Variants in TRERF1 observed in about 807,000 individuals in gnomAD.
The protein encoded by TRERF1 is transcriptional-regulating factor 1.
TRERF1 carries 27 observed loss-of-function variants against 122.9 expected under a neutral mutation model. The observed-to-expected ratio is 0.22, with a 90% CI of 0.16 to 0.30. The LOEUF is 0.30. Ranked by LOEUF, TRERF1 falls within the 10% of genes least tolerant of loss-of-function variation. The probability of loss-of-function intolerance (pLI) is 1.00; values close to 1 mark genes in which losing one functional copy is unlikely to be tolerated. For synonymous variants in TRERF1, 636 were observed against 641.7 expected, an observed-to-expected ratio of 0.99 and a Z score of 0.13; for missense variants, 1,248 against 1,560.3, an observed-to-expected ratio of 0.80 and a Z score of 3.37.
At chr6:42,229,179 C>A (rs908384930) in intron 17 of TRERF1, among the ~76,000 whole-genome samples, 6 of 152,084 alleles carry the variant, frequency 3.9e-5, no homozygotes, top group Non-Finnish European at 7.4e-5. Context: ...TCTCTATTGC[C>A]CAGGCTGGAG....
chr6:42,296,657 C>T (rs1249886527), intron 4 of TRERF1, among the ~76,000 whole-genome samples: 3 of 152,048 alleles, frequency 2.0e-5, no homozygotes, highest in South Asian at 2.1e-4. Context: ...CTGTAGACTC[C>T]CCTCCAATGA....
chr6:42,301,318 C>T (rs768950574), intron 3 of TRERF1, among the ~76,000 whole-genome samples: 1 of 152,156 alleles, frequency 6.6e-6, no homozygotes, highest in Non-Finnish European at 1.5e-5. Flanking sequence ...CAACTTCTGC[C>T]TCCCAGGTTC....
chr6:42,406,744 T>C (rs1780235400), intron 2 of TRERF1, among the ~76,000 whole-genome samples: 1 of 152,020 alleles, frequency 6.6e-6, no homozygotes, highest in Non-Finnish European at 1.5e-5. Context: ...TGCTGCCTTC[T>C]CATGACACTT....
At chr6:42,253,566 T>G (rs184113350) in intron 13 of TRERF1, among the ~76,000 whole-genome samples, 1 of 152,304 alleles carries the variant, frequency 6.6e-6, no homozygotes, top group Non-Finnish European at 1.5e-5. Flanking sequence ...GAGAAAATAT[T>G]AAGAAGCTGG....
At chr6:42,335,759 G>C (rs1766044020) in intron 3 of TRERF1, among the ~76,000 whole-genome samples, 1 of 152,126 alleles carries the variant, frequency 6.6e-6, no homozygotes, top group Admixed American at 6.5e-5. Flanking sequence ...CCTTCCTCAG[G>C]GGCACATTCT....
intron 2 of TRERF1, among the ~76,000 whole-genome samples, chr6:42,383,402 G>A (rs1242468303): frequency 3.3e-5 from 5 of 151,930 alleles, no homozygotes; most frequent in Admixed American, 2.0e-4. Context: ...CAAACACTCC[G>A]TGCTCTGGAT....
At chr6:42,344,620 T>C (rs1263497899) in intron 3 of TRERF1, among the ~76,000 whole-genome samples, 1 of 152,166 alleles carries the variant, frequency 6.6e-6, no homozygotes, top group Non-Finnish European at 1.5e-5. Flanking sequence ...GGGCGGTTCC[T>C]GCCCAGTGCT....
Position 42,259,315 on chromosome 6 carries a change from G to C in TRERF1, c.2269+24C>G. ...ACTTTACCCAGCACCCAGAGCCCAG[G>C]AGGACGCTAAAGGGGTGACTCACTG... On this transcript the variant is annotated intron_variant, in intron 9 of 17. Coordinates refer to ENST00000372922, the Ensembl canonical transcript of TRERF1. The surrounding 1 kb of genome is among the most constrained non-coding windows in gnomAD (Gnocchi z 4.9). 3 of 1,489,260 alleles carry C rather than the reference G, an allele frequency of 2.0e-6. No individual in the cohort carries two copies. The highest frequency in any genetic ancestry group is 2.7e-6 in the Non-Finnish European group (3 of 1,128,734). 92.3% of individuals were successfully genotyped at this position (1,489,260 alleles called of 1,614,324 possible). A position where few individuals can be genotyped will look rare whatever the true frequency, so the allele number is the denominator to read the frequency against.
At chr6:42,428,710 C>A (rs1784017077) in intron 2 of TRERF1, among the ~76,000 whole-genome samples, 1 of 152,200 alleles carries the variant, frequency 6.6e-6, no homozygotes, top group Non-Finnish European at 1.5e-5. Context: ...GGCCTAGAAC[C>A]AACCCTTGCC....
chr6:42,355,687 G>A (rs1770396936), intron 3 of TRERF1, among the ~76,000 whole-genome samples: 1 of 152,224 alleles, frequency 6.6e-6, no homozygotes, highest in Non-Finnish European at 1.5e-5. Context: ...TGGCACAGGG[G>A]TGTATGAGTG....
At chr6:42,289,679 A>T (rs1457664435) in intron 4 of TRERF1, among the ~76,000 whole-genome samples, 1 of 152,214 alleles carries the variant, frequency 6.6e-6, no homozygotes, top group Non-Finnish European at 1.5e-5. Context: ...TTCCCATATC[A>T]TCAAATGCTC....
At chr6:42,429,367 C>A (rs905578734) in intron 2 of TRERF1, among the ~76,000 whole-genome samples, 2 of 152,126 alleles carry the variant, frequency 1.3e-5, no homozygotes, top group Admixed American at 1.3e-4. Flanking sequence ...TCACCTCAAC[C>A]CAGTAGGCTC....
chr6:42,251,556 A>G (rs6907771), intron 13 of TRERF1, among the ~76,000 whole-genome samples: 79,138 of 151,770 alleles, frequency 0.52, 21,154 homozygotes, highest in African/African-American at 0.63. Context: ...AACCAGTGCC[A>G]TGTTAGGCAA....
intron 2 of TRERF1, among the ~76,000 whole-genome samples, chr6:42,389,357 C>A (rs979030163): frequency 6.6e-6 from 1 of 152,224 alleles, no homozygotes; most frequent in African/African-American, 2.4e-5. Context: ...ACAGACCACA[C>A]TCCAAGCCCA....
chr6:42,227,895 G>A (rs562464270), exon 18 of TRERF1: 1 of 153,114 alleles, frequency 6.5e-6, no homozygotes, highest in South Asian at 2.1e-4. Context: ...GCAAACTATG[G>A]AATGAGGTCA....
intron 5 of TRERF1, among the ~76,000 whole-genome samples, chr6:42,266,404 G>T (rs527307140): frequency 2.1e-4 from 32 of 152,068 alleles, no homozygotes; most frequent in Non-Finnish European, 8.8e-5. Flanking sequence ...GCTTAGGCTG[G>T]TCTCGAACTC....
chr6:42,287,014 T>C (rs1455555975), intron 4 of TRERF1, among the ~76,000 whole-genome samples: 3 of 144,124 alleles, frequency 2.1e-5, no homozygotes, highest in Non-Finnish European at 3.1e-5. Context: ...AAATTGGAAA[T>C]CATCATTCTC....
chr6:42,420,975 A>G (rs1336036161), intron 2 of TRERF1, among the ~76,000 whole-genome samples: 1 of 152,202 alleles, frequency 6.6e-6, no homozygotes, highest in Non-Finnish European at 1.5e-5. Context: ...AGCTCCATCC[A>G]CGGTTCTTCC....
At chr6:42,400,624 C>T (rs1010041152) in intron 2 of TRERF1, among the ~76,000 whole-genome samples, 8 of 152,184 alleles carry the variant, frequency 5.3e-5, no homozygotes, top group African/African-American at 1.9e-4. Context: ...CCTTGTGAGA[C>T]TGTGGGTTCC....
Sources: allele counts gnomAD v4.1 joint callset (sites outside exome capture counted in the v4.1 genomes callset), GRCh38; gene constraint gnomAD v4.1.1; non-coding constraint Gnocchi (gnomAD v3.1); transcripts MANE v1.5; gene names NCBI Gene and HGNC (gene_info 2026-07-23, HGNC 2026-07-21).